MEGF10: variants seen among roughly 807,000 people sequenced by gnomAD.
The protein encoded by MEGF10 is multiple epidermal growth factor-like domains protein 10.
A neutral mutation model predicts 147.5 loss-of-function variants in MEGF10; 86 were observed. The ratio of observed to expected loss-of-function variants is 0.58; its 90% CI spans 0.49 to 0.70. The LOEUF is 0.70. MEGF10 is among the 30% of genes least tolerant of loss of function. The pLI is 0.00. For missense variants in MEGF10, 1,329 were observed against 1,487.3 expected, an observed-to-expected ratio of 0.89 and a Z score of 1.75; for synonymous variants, 478 against 525.5, an observed-to-expected ratio of 0.91 and a Z score of 1.24.
At chr5:127,421,236 A>T (rs1490468887) in intron 12 of MEGF10, among the ~76,000 whole-genome samples, 2 of 152,246 alleles carry the variant, frequency 1.3e-5, no homozygotes, top group Non-Finnish European at 2.9e-5. Flanking sequence ...AGGAGTTAGT[A>T]AATCAGTGAA....
At chr5:127,400,585 G>A (rs531182912) in intron 7 of MEGF10, among the ~76,000 whole-genome samples, 3 of 152,354 alleles carry the variant, frequency 2.0e-5, no homozygotes, top group South Asian at 4.1e-4. Context: ...GAGCAGCAGA[G>A]TGTTGAGAAC....
intron 2 of MEGF10, among the ~76,000 whole-genome samples, chr5:127,333,096 C>A (rs1968366): frequency 2.6e-5 from 4 of 151,894 alleles, no homozygotes; most frequent in Non-Finnish European, 5.9e-5. Flanking sequence ...TGTGGGTTTG[C>A]CATGTTGTGT....
chr5:127,323,025 T>G (rs1212554044), intron 1 of MEGF10, among the ~76,000 whole-genome samples: 1 of 151,908 alleles, frequency 6.6e-6, no homozygotes, highest in Non-Finnish European at 1.5e-5. Flanking sequence ...TATATATGCA[T>G]ATATATATGT....
At chr5:127,308,482 C>T (rs1319825383) in intron 1 of MEGF10, among the ~76,000 whole-genome samples, 1 of 152,020 alleles carries the variant, frequency 6.6e-6, no homozygotes, top group Non-Finnish European at 1.5e-5. Context: ...TTTCCGTGTA[C>T]TTAAAGTTAA....
chr5:127,443,228 A>T (rs1036566903), intron 19 of MEGF10, 102 bp downstream of exon 19: 79 of 1,253,024 alleles, frequency 6.3e-5, no homozygotes, highest in Non-Finnish European at 8.3e-5. Context: ...CAGAATCTTC[A>T]CCACAACTCT....
chr5:127,355,348 G>C (rs1762242966), intron 4 of MEGF10, among the ~76,000 whole-genome samples: 1 of 151,958 alleles, frequency 6.6e-6, no homozygotes, highest in South Asian at 2.1e-4. Context: ...ATCCATTTAA[G>C]CAGATCCTTT....
Position 127,395,626 on chromosome 5 carries a change from G to C in MEGF10, c.413-906G>C, listed in dbSNP as rs554760806. Among the ~76,000 whole-genome samples the C allele has an allele frequency of 6.2e-3, 839 of 135,984 alleles. 2 individuals carry two copies. Among genetic ancestry groups the C allele is most frequent in the Non-Finnish European group, 9.6e-3 (628 of 65,604 alleles). 89.2% of individuals were successfully genotyped at this position (135,984 alleles called of 152,430 possible). ...GTGGCGCAGTCTTAGCTCACTGCCA[G>C]CTCCGCCTCCCGGGTTCACGCCATT... is the stretch of plus-strand genomic sequence containing the variant. On this transcript the variant is annotated intron_variant, in intron 5 of 24. Transcript: ENST00000503335.
intron 13 of MEGF10, chr5:127,424,481 T>C: frequency 7.1e-7 from 1 of 1,407,534 alleles, no homozygotes; most frequent in Non-Finnish European, 9.5e-7. Context: ...CTTAACAATA[T>C]GAAGTCTTCA....
the MEGF10 span, among the ~76,000 whole-genome samples, chr5:127,268,479 C>T: frequency 1.3e-5 from 2 of 152,156 alleles, no homozygotes; most frequent in African/African-American, 2.4e-5. Flanking sequence ...TCCTTGTTAA[C>T]TTTCTGTCTC....
At chr5:127,319,328 G>A (rs1299233984) in intron 1 of MEGF10, among the ~76,000 whole-genome samples, 3 of 151,914 alleles carry the variant, frequency 2.0e-5, no homozygotes, top group African/African-American at 2.4e-5. Context: ...CACCTACCTC[G>A]GCCTCCCAAG....
chr5:127,261,427 T>G, the MEGF10 span, among the ~76,000 whole-genome samples: 3 of 152,226 alleles, frequency 2.0e-5, no homozygotes, highest in African/African-American at 7.2e-5. Flanking sequence ...TCATTCTTGT[T>G]GTAATATGTG....
At chr5:127,246,863 T>C in the MEGF10 span, among the ~76,000 whole-genome samples, 19 of 54,582 alleles carry the variant, frequency 3.5e-4, no homozygotes, top group East Asian at 3.3e-3. Flanking sequence ...TTTAAAATAA[T>C]ATATACTATA....
At chr5:127,324,116 A>G (rs913886213) in intron 1 of MEGF10, among the ~76,000 whole-genome samples, 1 of 152,168 alleles carries the variant, frequency 6.6e-6, no homozygotes, top group Non-Finnish European at 1.5e-5. Context: ...GCTGGCTACA[A>G]TAATAGGGTA....
At chr5:127,420,258 T>C in intron 12 of MEGF10, 51 bp downstream of exon 12, 1 of 1,575,850 alleles carries the variant, frequency 6.3e-7, no homozygotes, top group Non-Finnish European at 8.6e-7. Context: ...GAACTGATGT[T>C]GTAAAGTTGG....
intron 5 of MEGF10, among the ~76,000 whole-genome samples, chr5:127,390,113 C>G (rs1238221166): frequency 6.6e-6 from 1 of 152,096 alleles, no homozygotes; most frequent in South Asian, 2.1e-4. Context: ...TCTCAAGACC[C>G]AGAGATACCC....
At chr5:127,302,739 G>A (rs1393723739) in intron 1 of MEGF10, among the ~76,000 whole-genome samples, 1 of 152,184 alleles carries the variant, frequency 6.6e-6, no homozygotes, top group Non-Finnish European at 1.5e-5. Context: ...TGAGGAGAAT[G>A]CCAAAAATGG....
At chr5:127,417,476 C>T (rs1401109245) in intron 9 of MEGF10, among the ~76,000 whole-genome samples, 162 bp from the exon 10 acceptor site, 1 of 152,232 alleles carries the variant, frequency 6.6e-6, no homozygotes, top group African/African-American at 2.4e-5. Flanking sequence ...CATCAGGTTT[C>T]AGCCAATTAA....
chr5:127,277,518 A>T, the MEGF10 span, among the ~76,000 whole-genome samples: 1 of 152,238 alleles, frequency 6.6e-6, no homozygotes, highest in Admixed American at 6.5e-5. Flanking sequence ...ACAAGACTTG[A>T]AACAGAGGCA....
intron 9 of MEGF10, among the ~76,000 whole-genome samples, chr5:127,415,896 C>CA (rs1156648076): frequency 0.029 from 1,587 of 55,094 alleles, 41 homozygotes; most frequent in East Asian, 0.074. Flanking sequence ...GACTCCATCT[C>CA]AAAAAAAAAA....
Sources: allele counts gnomAD v4.1 joint callset (sites outside exome capture counted in the v4.1 genomes callset), GRCh38; gene constraint gnomAD v4.1.1; transcripts MANE v1.5; gene names NCBI Gene and HGNC (gene_info 2026-07-23, HGNC 2026-07-21).